CDH12: variants seen among roughly 807,000 people sequenced by gnomAD.
CDH12 encodes the protein cadherin-12.
Under a neutral mutation model 74.1 loss-of-function variants are expected in CDH12, and 41 were observed. The ratio of observed to expected loss-of-function variants is 0.55; its 90% CI spans 0.43 to 0.72. The LOEUF (loss-of-function observed/expected upper bound fraction) is 0.72, where lower values mean the gene tolerates loss of function less well. Among genes scored for constraint, CDH12 ranks in the 30% least tolerant of loss-of-function variants. The pLI, the probability that CDH12 is intolerant of heterozygous loss-of-function variation, is 0.00. For missense variants in CDH12, 945 were observed against 977.2 expected, an observed-to-expected ratio of 0.97 and a Z score of 0.44; for synonymous variants, 399 against 355.0, an observed-to-expected ratio of 1.12 and a Z score of -1.39.
At chr5:22,568,299 C>A (rs1323562231) in intron 1 of CDH12, among the ~76,000 whole-genome samples, 1 of 151,968 alleles carries the variant, frequency 6.6e-6, no homozygotes, top group Non-Finnish European at 1.5e-5. Flanking sequence ...TAGCTCAGTG[C>A]TTATAAAAAG....
chr5:22,465,844 C>T (rs1027595874), intron 2 of CDH12, among the ~76,000 whole-genome samples: 1 of 152,116 alleles, frequency 6.6e-6, no homozygotes, highest in Non-Finnish European at 1.5e-5. Flanking sequence ...TAAGTCAAAC[C>T]ATAATCTCTC....
chr5:22,716,007 C>T (rs1001089258), intron 1 of CDH12, among the ~76,000 whole-genome samples: 8 of 151,166 alleles, frequency 5.3e-5, no homozygotes, highest in African/African-American at 9.7e-5. Context: ...TGTGATGGTG[C>T]GTGCCTGTAA....
At chr5:22,611,124 T>C (rs989096204) in intron 1 of CDH12, among the ~76,000 whole-genome samples, 1 of 152,174 alleles carries the variant, frequency 6.6e-6, no homozygotes, top group Non-Finnish European at 1.5e-5. Context: ...ACCTATATTT[T>C]TATCCTAGAT....
In CDH12 at chr5:22,231,201, A is replaced by C. The variant is rs1752370053; in HGVS notation, c.-332-18558T>G. On this transcript the variant is annotated intron_variant, in intron 3 of 14. Transcript: ENST00000382254. ...ATGCAACAGAGTTATCTAAAATTTA[A>C]CAATAAAGAGAAAAATTCCCAGTTT... is the stretch of plus-strand genomic sequence containing the variant. Among the ~76,000 whole-genome samples the C allele has an allele frequency of 1.3e-5, 2 of 152,304 alleles. 1 individual carries two copies. Among genetic ancestry groups the C allele is most frequent in the South Asian group, 4.1e-4 (2 of 4,830 alleles).
chr5:22,226,148 T>C (rs910877921), intron 3 of CDH12, among the ~76,000 whole-genome samples: 2 of 151,704 alleles, frequency 1.3e-5, no homozygotes, highest in Non-Finnish European at 2.9e-5. Flanking sequence ...GAAATACAAG[T>C]GTAAAGATAT....
intron 4 of CDH12, among the ~76,000 whole-genome samples, chr5:22,098,307 T>C (rs1475376065): frequency 1.3e-5 from 2 of 151,816 alleles, no homozygotes; most frequent in African/African-American, 4.9e-5. Context: ...CTCTCCATGC[T>C]GATCGTGTCC....
At chr5:21,836,462 A>AACACACACAC (rs60658949) in intron 8 of CDH12, among the ~76,000 whole-genome samples, 10,653 of 143,378 alleles carry the variant, frequency 0.074, 431 homozygotes, top group East Asian at 0.1. Context: ...TAGAAAGGAA[A>AACACACACAC]ACACACACAC....
At chr5:22,617,469 A>G (rs575167094) in intron 1 of CDH12, among the ~76,000 whole-genome samples, 1 of 152,264 alleles carries the variant, frequency 6.6e-6, no homozygotes, top group African/African-American at 2.4e-5. Flanking sequence ...ACATTGCCTT[A>G]AAATATCTAG....
At position 21,802,315 on chromosome 5, in the gene CDH12, T is replaced by C. The variant is rs765834249; in HGVS notation, c.1108A>G (p.Thr370Ala). 3.2e-5 allele frequency: 51 copies of C among 1,613,770 alleles called. No homozygotes were observed. The Admixed American group carries it at 8.3e-4, about 26-fold the overall frequency. The change falls in exon 10 of 15, where the codon ACG (threonine) becomes GCG (alanine). Residue 370 changes from threonine (T) to alanine (A), a missense_variant. By Grantham distance (58) the Thr-to-Ala change is moderately conservative. Around this residue, in one of 3 missense-constraint regions of CDH12, gnomAD observed 791 missense variants for 792.8 expected, o/e 1.00. Transcript: ENST00000382254. Reference protein sequence around the residue: ...HSAGPFKDTATVKISVLDVDE... With the variant: ...HSAGPFKDTAAVKISVLDVDE... ...ACGTCCAGCACGCTGATCTTCACCG[T>C]AGCTGTGTCTTTGAAAGGGCCCGCC...
chr5:22,284,861 A>G (rs1737065634), intron 3 of CDH12, among the ~76,000 whole-genome samples: 1 of 152,018 alleles, frequency 6.6e-6, no homozygotes, highest in Non-Finnish European at 1.5e-5. Context: ...AAAATGAAAA[A>G]AGACCAGGAA....
intron 1 of CDH12, among the ~76,000 whole-genome samples, chr5:22,744,423 C>T (rs1421417452): frequency 1.4e-5 from 2 of 140,912 alleles, no homozygotes; most frequent in African/African-American, 2.5e-5. Context: ...AGTGAGACTC[C>T]GTCTCAAAAA....
intron 5 of CDH12, among the ~76,000 whole-genome samples, chr5:22,033,632 G>A (rs540164941): frequency 6.6e-6 from 1 of 152,240 alleles, no homozygotes; most frequent in South Asian, 2.1e-4. Flanking sequence ...AAGTAGTAAT[G>A]AAAATAATTT....
intron 7 of CDH12, among the ~76,000 whole-genome samples, chr5:21,844,611 A>G (rs1424004474): frequency 6.6e-6 from 1 of 152,140 alleles, no homozygotes; most frequent in Non-Finnish European, 1.5e-5. Context: ...AGTGTGATGG[A>G]AAAGGTCTTG....
In CDH12 at chr5:21,797,638, G is replaced by A. The variant is rs141715702; in HGVS notation, c.1256+4529C>T. Among the ~76,000 whole-genome samples the A allele has an allele frequency of 3.2e-3, 486 of 152,206 alleles. 3 individuals are homozygous for A. Among genetic ancestry groups the A allele is most frequent in the African/African-American group, 0.011 (462 of 41,554 alleles). The stretch of plus-strand genomic sequence containing the variant: ...GGTATACTACTTTATTTCATATAAA[G>A]TAGCACTTGTCAGATACTAGCTACT... On this transcript the variant is annotated intron_variant, in intron 10 of 14. Coordinates refer to ENST00000382254, the MANE Select transcript of CDH12 (RefSeq NM_004061.5).
At chr5:22,593,605 A>G (rs755948450) in intron 1 of CDH12, among the ~76,000 whole-genome samples, 48 of 152,062 alleles carry the variant, frequency 3.2e-4, no homozygotes, top group Non-Finnish European at 6.2e-4. Flanking sequence ...TCTTTTTGTA[A>G]CATTTAAAAA....
intron 1 of CDH12, among the ~76,000 whole-genome samples, chr5:22,589,881 A>T (rs1351230259): frequency 6.6e-6 from 1 of 152,132 alleles, no homozygotes; most frequent in Non-Finnish European, 1.5e-5. Flanking sequence ...TAACAAATTT[A>T]TATCTAATGT....
intron 3 of CDH12, among the ~76,000 whole-genome samples, chr5:22,261,466 C>T (rs920833229): frequency 6.6e-6 from 1 of 151,920 alleles, no homozygotes; most frequent in Non-Finnish European, 1.5e-5. Context: ...GATATTGCTA[C>T]AGTTGAAGTA....
rs1480639720 is a variant in CDH12, at chr5:22,563,473, G to A, written c.-522-58109C>T. ...TTTGAGCTTCTTATATATTCTGGTT[G>A]TTAATCTCCTGTCAGGTGGGTAGTT... On this transcript the variant is annotated intron_variant, in intron 1 of 14. Coordinates refer to ENST00000382254, the MANE Select transcript of CDH12 (RefSeq NM_004061.5). Among the ~76,000 whole-genome samples the A allele has an allele frequency of 2.0e-5, 3 of 152,016 alleles. No homozygotes were observed. The East Asian group carries it at 5.8e-4, about 29-fold the overall frequency.
At chr5:22,478,018 G>A (rs1221434246) in intron 2 of CDH12, among the ~76,000 whole-genome samples, 1 of 152,014 alleles carries the variant, frequency 6.6e-6, no homozygotes, top group Non-Finnish European at 1.5e-5. Context: ...TCCAAGTAGG[G>A]GATTAGACTC....
Sources: allele counts gnomAD v4.1 joint callset (sites outside exome capture counted in the v4.1 genomes callset), GRCh38; gene constraint gnomAD v4.1.1; regional missense constraint gnomAD v4.1.1; transcripts MANE v1.5; gene names NCBI Gene and HGNC (gene_info 2026-07-23, HGNC 2026-07-21).